HDLBP: variants seen among roughly 807,000 people sequenced by gnomAD.
HDLBP encodes the protein high density lipoprotein binding protein, also known as vigilin.
A neutral mutation model predicts 137.3 loss-of-function variants in HDLBP; 30 were observed. The observed-to-expected ratio is 0.22, with a 90% CI of 0.16 to 0.30. HDLBP has a LOEUF of 0.30. Ranked by LOEUF, HDLBP falls within the 10% of genes least tolerant of loss-of-function variation. The probability of loss-of-function intolerance (pLI) is 1.00; values close to 1 mark genes in which losing one functional copy is unlikely to be tolerated. For missense variants in HDLBP, 1,119 were observed against 1,667.3 expected, an observed-to-expected ratio of 0.67 and a Z score of 5.73; for synonymous variants, 606 against 596.0, an observed-to-expected ratio of 1.02 and a Z score of -0.24.
chr2:241,264,278 C>T (rs546899410), intron 4 of HDLBP, among the ~76,000 whole-genome samples, 170 bp downstream of exon 4: 8 of 150,368 alleles, frequency 5.3e-5, no homozygotes, highest in African/African-American at 1.7e-4. Flanking sequence ...AGGAGAATGG[C>T]GTGAACCCGG....
At chr2:241,280,068 A>C (rs1289600500) in intron 1 of HDLBP, 1 of 985,410 alleles carries the variant, frequency 1.0e-6, no homozygotes, top group Non-Finnish European at 1.2e-6. Context: ...CCTTGGCAGC[A>C]GTGCAGTCTT....
In HDLBP at chr2:241,239,188, A is replaced by G. The variant is rs2070933120; in HGVS notation, c.2611-401T>C. On this transcript the variant is annotated intron_variant, in intron 19 of 27. Coordinates refer to ENST00000310931, the MANE Select transcript of HDLBP (RefSeq NM_005336.6). This position sits in a 1 kb window ranked among gnomAD's most constrained non-coding sequence, Gnocchi z 4.6. ...CTGCTTCTAAAGACCACGTCTTCTC[A>G]TGACTTCCCATGGATTCACGTGGAT... Among the ~76,000 whole-genome samples the G allele has an allele frequency of 6.6e-6, 1 of 152,200 alleles. No homozygotes were observed.
At chr2:241,292,603 C>T (rs1407961880) in intron 1 of HDLBP, among the ~76,000 whole-genome samples, 1 of 152,082 alleles carries the variant, frequency 6.6e-6, no homozygotes, top group African/African-American at 2.4e-5. Flanking sequence ...TTTTTTAAAG[C>T]CGTTTCCTAA....
At chr2:241,280,006 T>TC in intron 1 of HDLBP, 1 of 985,310 alleles carries the variant, frequency 1.0e-6, no homozygotes, top group Non-Finnish European at 1.2e-6. Context: ...GGACCAGGGG[T>TC]CATCTCCAAG....
chr2:241,266,644 G>T, intron 3 of HDLBP, 150 bp downstream of exon 3: 1 of 633,522 alleles, frequency 1.6e-6, no homozygotes, highest in Non-Finnish European at 2.8e-6. Flanking sequence ...GCACAGCAAT[G>T]CGAAAACAGT....
intron 20 of HDLBP, among the ~76,000 whole-genome samples, chr2:241,237,469 G>A (rs1393617747): frequency 1.3e-5 from 2 of 152,320 alleles, no homozygotes; most frequent in East Asian, 3.9e-4. Context: ...CAGGAGGTGT[G>A]TGATGTAAAT....
At chr2:241,274,122 C>A (rs1468896953) in intron 1 of HDLBP, among the ~76,000 whole-genome samples, 1 of 152,128 alleles carries the variant, frequency 6.6e-6, no homozygotes, top group African/African-American at 2.4e-5. Flanking sequence ...GGGTAAAATT[C>A]AAGGAAGACT....
At chr2:241,244,487 G>T (rs1023403628) in intron 16 of HDLBP, among the ~76,000 whole-genome samples, 3 of 152,148 alleles carry the variant, frequency 2.0e-5, no homozygotes, top group African/African-American at 4.8e-5. Flanking sequence ...AAAGCCAGGG[G>T]CACCATCAGC....
intron 11 of HDLBP, among the ~76,000 whole-genome samples, chr2:241,252,604 G>A (rs1389376053): frequency 6.6e-6 from 1 of 152,224 alleles, no homozygotes; most frequent in African/African-American, 2.4e-5. Context: ...CAGAAGGCAT[G>A]AGTACTACCA....
chr2:241,255,317 T>C, intron 8 of HDLBP, 57 bp downstream of exon 8: 3 of 1,513,812 alleles, frequency 2.0e-6, no homozygotes, highest in Non-Finnish European at 2.8e-6. Flanking sequence ...AGCTCATCCA[T>C]GAAGGCCCCG....
intron 1 of HDLBP, among the ~76,000 whole-genome samples, chr2:241,290,615 G>GA (rs199969641): frequency 0.33 from 47,163 of 144,802 alleles, 8,004 homozygotes; most frequent in East Asian, 0.52. Flanking sequence ...TGTCTCAAAG[G>GA]AAAAAAAAAA....
chr2:241,249,705 C>A, intron 12 of HDLBP, 136 bp downstream of exon 12: 1 of 808,108 alleles, frequency 1.2e-6, no homozygotes, highest in South Asian at 1.8e-5. Context: ...CCAGGGAGTC[C>A]AATCCGGTTC....
intron 20 of HDLBP, among the ~76,000 whole-genome samples, chr2:241,237,666 T>C (rs937143474): frequency 6.6e-6 from 1 of 152,122 alleles, no homozygotes; most frequent in African/African-American, 2.4e-5. Flanking sequence ...AATGTCCTTG[T>C]TCTAAGAAAA....
At chr2:241,284,240 T>C (rs957741910) in intron 1 of HDLBP, among the ~76,000 whole-genome samples, 11 of 152,340 alleles carry the variant, frequency 7.2e-5, no homozygotes, top group African/African-American at 2.6e-4. Flanking sequence ...TAGATAGTTA[T>C]TCCTCTCATG....
chr2:241,241,966 G>C (rs1009981105), intron 17 of HDLBP, among the ~76,000 whole-genome samples: 1 of 152,170 alleles, frequency 6.6e-6, no homozygotes, highest in Non-Finnish European at 1.5e-5. Flanking sequence ...TCAGCAAGGG[G>C]TGTAGAACAG....
At chr2:241,235,880 C>T (rs980494640) in intron 21 of HDLBP, among the ~76,000 whole-genome samples, 1 of 152,206 alleles carries the variant, frequency 6.6e-6, no homozygotes, top group African/African-American at 2.4e-5. Context: ...GCCCTGACTC[C>T]TGGCACATCC....
chr2:241,240,475 T>C lies in HDLBP; in HGVS notation c.2170-353A>G, dbSNP rs945078006. ...CGCGCCGGACGATATGTTGGCGGAGTGCACGTCCTGGGGAGCGTGGGGTGT... is the reference window on the plus strand; with the variant it reads ...CGCGCCGGACGATATGTTGGCGGAGCGCACGTCCTGGGGAGCGTGGGGTGT... On this transcript the variant is annotated intron_variant, in intron 17 of 27. Transcript: ENST00000310931. This position sits in a 1 kb window ranked among gnomAD's most constrained non-coding sequence, Gnocchi z 5.5. 1.3e-5 allele frequency among the ~76,000 whole-genome samples: 2 copies of C among 151,538 alleles called. No homozygotes were observed. The highest frequency in any genetic ancestry group is 3.9e-4 in the East Asian group (2 of 5,194).
rs1301033929 is a variant in HDLBP, at chr2:241,230,533, G to A, written c.3474+226C>T. 6.6e-6 allele frequency among the ~76,000 whole-genome samples: 1 copy of A among 152,214 alleles called. No homozygotes were observed. On this transcript the variant is annotated intron_variant, in intron 25 of 27. Transcript: ENST00000310931. The surrounding 1 kb of genome is among the most constrained non-coding windows in gnomAD (Gnocchi z 5.0). ...CACCCACAGAGGACGAGCTCGCCAG[G>A]CAGCTGTCAAGGAGATGCCCTCCTA...
chr2:241,301,492 G>A (rs943817389), intron 1 of HDLBP, among the ~76,000 whole-genome samples: 2 of 151,968 alleles, frequency 1.3e-5, no homozygotes, highest in African/African-American at 4.8e-5. Flanking sequence ...AAACACATTC[G>A]GATGATGCAG....
Sources: allele counts gnomAD v4.1 joint callset (sites outside exome capture counted in the v4.1 genomes callset), GRCh38; gene constraint gnomAD v4.1.1; non-coding constraint Gnocchi (gnomAD v3.1); transcripts MANE v1.5; gene names NCBI Gene and HGNC (gene_info 2026-07-23, HGNC 2026-07-21).